The following NELL2 variants were observed in gnomAD, a reference collection of about 807,000 sequenced individuals.
NELL2 encodes protein kinase C-binding protein NELL2.
NELL2 carries 41 observed loss-of-function variants against 109.6 expected under a neutral mutation model. The ratio of observed to expected loss-of-function variants is 0.37; its 90% CI spans 0.29 to 0.49. The LOEUF (loss-of-function observed/expected upper bound fraction) is 0.49, where lower values mean the gene tolerates loss of function less well. Among genes scored for constraint, NELL2 ranks in the 20% least tolerant of loss-of-function variants. The probability of loss-of-function intolerance (pLI) is 0.98; values close to 1 mark genes in which losing one functional copy is unlikely to be tolerated. For missense variants in NELL2, 900 were observed against 1,008.3 expected (o/e 0.89, Z 1.45); for synonymous variants, 355 against 344.7 (o/e 1.03, Z -0.33).
intron 9 of NELL2, among the ~76,000 whole-genome samples, chr12:44,753,651 ATAGGACTATTCTAGGGATTT>A: frequency 6.6e-6 from 1 of 152,290 alleles, no homozygotes; most frequent in Non-Finnish European, 1.5e-5. Flanking sequence ...TCCTCACCTC[ATAGGACTATTCTAGGGATTT>A]AATGAGGTAA....
intron 2 of NELL2, among the ~76,000 whole-genome samples, chr12:44,817,985 T>C (rs1472855624): frequency 6.6e-6 from 1 of 152,182 alleles, no homozygotes; most frequent in Admixed American, 6.5e-5. Flanking sequence ...TTGGGACAGT[T>C]GTTCAAAGTT....
intron 9 of NELL2, 55 bp from the exon 10 acceptor site, chr12:44,714,796 G>T: frequency 8.6e-7 from 1 of 1,159,680 alleles, no homozygotes; most frequent in Non-Finnish European, 1.2e-6. Flanking sequence ...TAGCTTAGAA[G>T]GGATCAGATC....
chr12:44,862,938 G>C (rs896190159), intron 2 of NELL2, among the ~76,000 whole-genome samples: 2 of 152,184 alleles, frequency 1.3e-5, no homozygotes, highest in East Asian at 3.8e-4. Flanking sequence ...AAGTAAAAAA[G>C]CATATATACA....
intron 1 of NELL2, among the ~76,000 whole-genome samples, chr12:44,919,746 C>G (rs1461563514): frequency 2.0e-5 from 3 of 152,180 alleles, no homozygotes; most frequent in Admixed American, 6.5e-5. Context: ...ACCAATTCTG[C>G]CAGCACCTTA....
intron 1 of NELL2, among the ~76,000 whole-genome samples, chr12:44,895,620 C>A (rs992256193): frequency 6.6e-6 from 1 of 151,620 alleles, no homozygotes; most frequent in African/African-American, 2.4e-5. Context: ...ACCCATGTTT[C>A]CATTATAAAA....
intron 15 of NELL2, among the ~76,000 whole-genome samples, chr12:44,579,801 T>C (rs2136208780): frequency 6.6e-6 from 1 of 152,266 alleles, no homozygotes; most frequent in African/African-American, 2.4e-5. Flanking sequence ...TCTGGTTGTG[T>C]GAGACTAGAA....
chr12:44,875,727 C>T, intron 1 of NELL2, 88 bp downstream of exon 1: 1 of 1,609,630 alleles, frequency 6.2e-7, no homozygotes, highest in South Asian at 1.1e-5. Context: ...ACTTTGGGTC[C>T]GGGAAAAGCG....
chr12:44,852,370 G>T (rs1390382170), intron 2 of NELL2, among the ~76,000 whole-genome samples: 1 of 152,126 alleles, frequency 6.6e-6, no homozygotes, highest in Non-Finnish European at 1.5e-5. Context: ...TATTTGTCAT[G>T]TTGTTATATA....
Position 44,740,622 on chromosome 12 carries a change from T to G in NELL2, c.995-25881A>C, listed in dbSNP as rs531764564. Among the ~76,000 whole-genome samples the G allele has an allele frequency of 2.0e-5, 3 of 152,158 alleles. No homozygotes were observed. The East Asian group carries it at 5.8e-4, about 29-fold the overall frequency. ...AGCATTTATTATAGAAAAAGGTATCTATAAGGTTAAAAAGTATAAATTCAA... is the reference window on the plus strand; with the variant it reads ...AGCATTTATTATAGAAAAAGGTATCGATAAGGTTAAAAAGTATAAATTCAA... On this transcript the variant is annotated intron_variant, in intron 9 of 19. Coordinates refer to ENST00000429094, the MANE Select transcript of NELL2 (RefSeq NM_001145108.2).
chr12:44,569,958 C>A (rs1447313031), intron 15 of NELL2, among the ~76,000 whole-genome samples: 1 of 150,186 alleles, frequency 6.7e-6, no homozygotes. Flanking sequence ...CAGATAAGTT[C>A]TTCTCTATAA....
At chr12:44,905,052 C>A (rs1209890860) in intron 1 of NELL2, among the ~76,000 whole-genome samples, 3 of 151,996 alleles carry the variant, frequency 2.0e-5, no homozygotes, top group East Asian at 3.9e-4. Flanking sequence ...AAAAAAACTT[C>A]TTTATCAGAG....
intron 9 of NELL2, among the ~76,000 whole-genome samples, chr12:44,741,777 G>T (rs917198945): frequency 6.6e-6 from 1 of 152,200 alleles, no homozygotes; most frequent in African/African-American, 2.4e-5. Flanking sequence ...CCATTGCCGA[G>T]TTAGTTGTTT....
intron 1 of NELL2, among the ~76,000 whole-genome samples, chr12:44,898,908 C>G (rs937961465): frequency 6.6e-6 from 1 of 152,022 alleles, no homozygotes; most frequent in Non-Finnish European, 1.5e-5. Flanking sequence ...GAGAGAAGAA[C>G]ATAAATGACC....
chr12:44,663,628 C>T (rs935103854), intron 13 of NELL2, among the ~76,000 whole-genome samples: 1 of 152,146 alleles, frequency 6.6e-6, no homozygotes, highest in Non-Finnish European at 1.5e-5. Context: ...GGGAAAATTC[C>T]TCCCAAGTAG....
chr12:44,907,179 G>A (rs955979977), intron 1 of NELL2, among the ~76,000 whole-genome samples: 8 of 152,054 alleles, frequency 5.3e-5, no homozygotes, highest in African/African-American at 1.9e-4. Context: ...AGAACTATGA[G>A]TCAATTAAAC....
intron 2 of NELL2, among the ~76,000 whole-genome samples, chr12:44,855,272 T>C (rs751544015): frequency 2.6e-5 from 4 of 152,170 alleles, no homozygotes; most frequent in Non-Finnish European, 5.9e-5. Context: ...TTCTTAAAAA[T>C]ATAGATTCCT....
At chr12:44,597,285 T>A (rs1404617858) in intron 15 of NELL2, among the ~76,000 whole-genome samples, 2 of 152,196 alleles carry the variant, frequency 1.3e-5, no homozygotes, top group Non-Finnish European at 2.9e-5. Flanking sequence ...TAAAAAAATA[T>A]TCCTGATGAA....
intron 15 of NELL2, among the ~76,000 whole-genome samples, chr12:44,603,162 CATCTT>C (rs935573486): frequency 2.0e-5 from 3 of 152,012 alleles, no homozygotes; most frequent in Admixed American, 6.6e-5. Context: ...ATTAAAATCT[CATCTT>C]ATGCTTTGAT....
At chr12:44,519,881 T>C (rs1057133589) in intron 19 of NELL2, 124 bp downstream of exon 19, 23 of 819,226 alleles carry the variant, frequency 2.8e-5, no homozygotes, top group Non-Finnish European at 3.9e-5. Flanking sequence ...CGCCCACCTA[T>C]GTTTGAAAAA....
Sources: gnomAD v4.1 joint callset for allele counts (sites outside exome capture counted in the v4.1 genomes callset) on GRCh38, gnomAD v4.1.1 for gene constraint, MANE v1.5 for transcripts, NCBI Gene and HGNC (gene_info 2026-07-23, HGNC 2026-07-21) for gene names.